KLHL38: variants seen among roughly 807,000 people sequenced by gnomAD.
KLHL38 encodes kelch-like protein 38.
Under a neutral mutation model 39.6 loss-of-function variants are expected in KLHL38, and 38 were observed. The ratio of observed to expected loss-of-function variants is 0.96; its 90% confidence interval spans 0.74 to 1.26. The LOEUF (loss-of-function observed/expected upper bound fraction) is 1.26, where lower values mean the gene tolerates loss of function less well. Ranked by LOEUF, KLHL38 falls within the 50% of genes most tolerant of loss-of-function variation. KLHL38 has a pLI of 0.00. For synonymous variants in KLHL38, 322 were observed against 302.2 expected (o/e 1.07, Z -0.68); for missense variants, 803 against 748.1 (o/e 1.07, Z -0.86).
chr8:123,645,746 AG>A lies in KLHL38; in HGVS notation c.1738del (p.Leu580SerfsTer40). ...TLQCIPRTSG[L>X]P ...GAAGGTTTCTTGTCGACCTCATGGG[AG>A]GCCAGACGTGCGGGGTATGCACTGG... is the stretch of plus-strand genomic sequence containing the variant. On this transcript the variant is annotated frameshift_variant, in exon 4 of 4. Coordinates refer to ENST00000684634, the MANE Select transcript of KLHL38 (RefSeq NM_001081675.3). LOFTEE classifies it high-confidence loss of function. 1 of 1,612,602 alleles carries A rather than the reference AG, an allele frequency of 6.2e-7. No individual in the cohort carries two copies. The highest frequency in any genetic ancestry group is 8.5e-7 in the Non-Finnish European group (1 of 1,178,934).
rs56194946 is a variant in KLHL38, at chr8:123,645,035, T to TGAGAGAGA, written c.*696_*703dup. Reference sequence around the variant, plus strand: ...AGAGAGAGGAAGACAGAGGGGAGACTGAGAGAGAGAGAGAGAGAGAGGGGC... The same window carrying TGAGAGAGA: ...AGAGAGAGGAAGACAGAGGGGAGACTGAGAGAGAGAGAGAGAGAGAGAGAGAGAGGGGC... On this transcript the variant is annotated 3_prime_UTR_variant, in exon 4 of 4. Coordinates refer to ENST00000684634, the MANE Select transcript of KLHL38 (RefSeq NM_001081675.3). Among the ~76,000 whole-genome samples, 61,254 of 143,044 alleles carry TGAGAGAGA rather than the reference T, an allele frequency of 0.43. 13,430 individuals are homozygous for TGAGAGAGA. Among genetic ancestry groups the TGAGAGAGA allele is most frequent in the East Asian group, 0.71 (3,380 of 4,784 alleles). 93.8% of individuals were successfully genotyped at this position (143,044 alleles called of 152,430 possible).
chr8:123,651,579 G>C lies in KLHL38; in HGVS notation c.1348C>G (p.Gln450Glu). The C allele has an allele frequency of 1.9e-6, 3 of 1,563,570 alleles. No individual in the cohort carries two copies. Among genetic ancestry groups the C allele is most frequent in the Non-Finnish European group, 2.6e-6 (3 of 1,159,112 alleles). The change falls in exon 2 of 4, where the codon CAG (glutamine) becomes GAG (glutamate). Residue 450 changes from glutamine (Q) to glutamate (E), a missense_variant and splice_region_variant. Gln to Glu is a conservative substitution (Grantham distance 29). Transcript: ENST00000684634. ...GATGGGAAGAACCGGCCATTTACCT[G>C]GATAAGGCGCACAGGGTTCTGCATG... is the stretch of plus-strand genomic sequence containing the variant. ...DIMQNPVRLI[Q>E]VYHISRNSWF...
rs755141076 is a variant in KLHL38, at chr8:123,651,969, T to A, written c.958A>T (p.Thr320Ser). The A allele has an allele frequency of 1.9e-6, 3 of 1,614,258 alleles. No individual in the cohort carries two copies. In the Admixed American group the frequency reaches 5.0e-5, roughly 27 times the overall value. ...ATGGCAGAGGCCTTGTACAGCCGTG[T>A]CGGGAGTTTGGCAAGGCTCTGCCAT... Reference protein sequence around the residue: ...GQWQSLAKLPTRLYKASAITL... With the variant: ...GQWQSLAKLPSRLYKASAITL... The change falls in exon 2 of 4, where the codon ACA becomes TCA. Residue 320 changes from threonine to serine, a missense_variant. Thr to Ser is a moderately conservative substitution (Grantham distance 58). Coordinates refer to ENST00000684634, the MANE Select transcript of KLHL38 (RefSeq NM_001081675.3).
At chr8:123,648,235 A>T (rs1818695065) in intron 2 of KLHL38, among the ~76,000 whole-genome samples, 1 of 152,214 alleles carries the variant, frequency 6.6e-6, no homozygotes, top group African/African-American at 2.4e-5. Context: ...GTCAAATGAC[A>T]TGCCCAGGGT....
In KLHL38 at chr8:123,645,835, C is replaced by T. The variant is rs373658750; in HGVS notation, c.1650G>A (p.Thr550=). Reference sequence around the variant, plus strand: ...GCTGTCCCTGGGATGTCCAGGTGTCCGTCTCGGGGTCGTAGCAATCGAAGG... The same window carrying T: ...GCTGTCCCTGGGATGTCCAGGTGTCTGTCTCGGGGTCGTAGCAATCGAAGG... ...SASFDCYDPE[T]DTWTSQGQLP... The change falls in exon 4 of 4, where the codon ACG becomes ACA. Residue 550 remains threonine, a synonymous_variant. Coordinates refer to ENST00000684634, the MANE Select transcript of KLHL38 (RefSeq NM_001081675.3). 5.0e-6 allele frequency: 8 copies of T among 1,613,562 alleles called. No individual in the cohort carries two copies. Among genetic ancestry groups the T allele is most frequent in the African/African-American group, 2.7e-5 (2 of 74,772 alleles).
At chr8:123,647,297 C>T (rs1200695909) in intron 2 of KLHL38, among the ~76,000 whole-genome samples, 1 of 152,066 alleles carries the variant, frequency 6.6e-6, no homozygotes, top group African/African-American at 2.4e-5. Context: ...ACTTACCTTG[C>T]TTGGAACATG....
rs930198017 is a variant in KLHL38 at position 123,652,421 on chromosome 8, G to A, written c.506C>T (p.Ser169Leu). 5.0e-6 allele frequency: 8 copies of A among 1,613,976 alleles called. No individual in the cohort carries two copies. The African/African-American group carries it at 6.7e-5, about 13-fold the overall frequency. Residue 169 changes from serine (S) to leucine (L), a missense_variant, in exon 2 of 4, where the codon TCG (serine) becomes TTG (leucine). Physicochemically the swap from Ser to Leu is moderately radical, Grantham distance 145. Transcript: ENST00000684634. Reference sequence around the variant, plus strand: ...GGCACAGAGCTCCTTCAGGTCGGCCGATGCGGCCACCTCTGGGAAGGACGT... The same window carrying A: ...GGCACAGAGCTCCTTCAGGTCGGCCAATGCGGCCACCTCTGGGAAGGACGT... Reference protein sequence around the residue: ...ALTSFPEVAASADLKELCALE... With the variant: ...ALTSFPEVAALADLKELCALE...
At chr8:123,651,193 G>T (rs1258001098) in intron 2 of KLHL38, among the ~76,000 whole-genome samples, 1 of 152,184 alleles carries the variant, frequency 6.6e-6, no homozygotes, top group Non-Finnish European at 1.5e-5. Context: ...GTACATGGGT[G>T]CACATGTGTG....
chr8:123,647,923 C>G (rs1431561547), intron 2 of KLHL38, among the ~76,000 whole-genome samples: 2 of 151,724 alleles, frequency 1.3e-5, no homozygotes, highest in Admixed American at 6.6e-5. Context: ...ACTAAAAATA[C>G]AAAAAAAATT....
intron 2 of KLHL38, among the ~76,000 whole-genome samples, chr8:123,650,437 G>T (rs73341470): frequency 0.01 from 1,542 of 152,274 alleles, 23 homozygotes; most frequent in African/African-American, 0.034. Flanking sequence ...AGGGCATCCC[G>T]CCTGTGCTCT....
Position 123,653,633 on chromosome 8 carries a change from C to G in KLHL38, c.-49G>C, listed in dbSNP as rs143391253. Among the ~76,000 whole-genome samples, 1 of 152,198 alleles carries G rather than the reference C, an allele frequency of 6.6e-6. No homozygotes were observed. Among genetic ancestry groups the G allele is most frequent in the African/African-American group, 2.4e-5 (1 of 41,458 alleles). ...CACTGGTGCCTGGTCTGACTTATCC[C>G]CCCGGAGAGTTTCTACCTCTAGCTC... On this transcript the variant is annotated 5_prime_UTR_variant, in exon 1 of 4. Coordinates refer to ENST00000684634, the MANE Select transcript of KLHL38 (RefSeq NM_001081675.3).
At chr8:123,653,348 C>T (rs1812693592) in intron 1 of KLHL38, among the ~76,000 whole-genome samples, 1 of 152,162 alleles carries the variant, frequency 6.6e-6, no homozygotes, top group African/African-American at 2.4e-5. Flanking sequence ...GATGTCTAAA[C>T]CTCTCTTTCT....
In KLHL38 at chr8:123,649,420, C is replaced by T. The variant is rs118094329; in HGVS notation, c.1350+2157G>A. 1.2e-3 allele frequency among the ~76,000 whole-genome samples: 183 copies of T among 152,208 alleles called. 5 individuals are homozygous for T. In the East Asian group the frequency reaches 0.033, roughly 27 times the overall value. ...GAAGTGAAGGCAAGAAAAAAATCTT[C>T]ACTGGAACTGACCGAGTCCAAGCCA... On this transcript the variant is annotated intron_variant, in intron 2 of 3. Coordinates refer to ENST00000684634, the MANE Select transcript of KLHL38 (RefSeq NM_001081675.3).
rs1452847121 is a variant in KLHL38 at position 123,652,888 on chromosome 8, G to A, written c.39C>T (p.Asp13=). Residue 13 remains aspartate, a synonymous_variant, in exon 2 of 4, where the codon GAC becomes GAT. Transcript: ENST00000684634. ...EESLDGLLFK[D]HDFSSDLLRQ... is the part of the protein sequence containing the mutation. ...TCAACAAGTCAGAAGAGAAGTCGTG[G>A]TCTTTGAAGAGCAGCCCATCTAGTG... The A allele has an allele frequency of 5.6e-6, 9 of 1,601,824 alleles. No homozygotes were observed. Among genetic ancestry groups the A allele is most frequent in the Non-Finnish European group, 7.6e-6 (9 of 1,179,712 alleles).
rs1395764219 is a variant in KLHL38 at position 123,652,080 on chromosome 8, G to T, written c.847C>A (p.Gln283Lys). 3.7e-6 allele frequency: 6 copies of T among 1,614,198 alleles called. No homozygotes were observed. Among genetic ancestry groups the T allele is most frequent in the Non-Finnish European group, 4.2e-6 (5 of 1,180,042 alleles). The change falls in exon 2 of 4, where the codon CAA (glutamine) becomes AAA (lysine). Residue 283 changes from glutamine (Q) to lysine (K), a missense_variant. By Grantham distance (53) the Gln-to-Lys change is moderately conservative. Coordinates refer to ENST00000684634, the MANE Select transcript of KLHL38 (RefSeq NM_001081675.3). Reference protein sequence around the residue: ...LLHVPPRNSYQDFLILLGGRK... With the variant: ...LLHVPPRNSYKDFLILLGGRK... The stretch of plus-strand genomic sequence containing the variant: ...CCGCCCAAGAGGATGAGGAAATCTT[G>T]GTAAGAGTTTCTTGGAGGGACATGC...
At chr8:123,653,058 G>A in intron 1 of KLHL38, 131 bp from the exon 2 acceptor site, 2 of 895,096 alleles carry the variant, frequency 2.2e-6, no homozygotes, top group East Asian at 2.7e-5. Context: ...GTTTGCGGAT[G>A]TCACCATGGA....
chr8:123,652,610 G>C lies in KLHL38; in HGVS notation c.317C>G (p.Pro106Arg), dbSNP rs979009239. 3 of 1,614,084 alleles carry C rather than the reference G, an allele frequency of 1.9e-6. No homozygotes were observed. The highest frequency in any genetic ancestry group is 3.3e-5 in the Admixed American group (2 of 60,012). The change falls in exon 2 of 4, where the codon CCC (proline) becomes CGC (arginine). Residue 106 changes from proline (P) to arginine (R), a missense_variant. Pro to Arg is a moderately radical substitution (Grantham distance 103). Coordinates refer to ENST00000684634, the MANE Select transcript of KLHL38 (RefSeq NM_001081675.3). ...EAHIATDNVL[P>R]VMEAASMLQF... ...TAGCATGGAGGCGGCCTCCATCACG[G>C]GGAGGACATTGTCAGTGGCAATATG...
At chr8:123,653,013 T>C in intron 1 of KLHL38, 86 bp from the exon 2 acceptor site, 8 of 1,337,950 alleles carry the variant, frequency 6.0e-6, no homozygotes, top group Non-Finnish European at 8.1e-6. Context: ...CTGTGGGGAC[T>C]CCAAGACCAG....
Position 123,647,029 on chromosome 8 carries a change from G to A in KLHL38, c.1351-15C>T. ...ATGTGATAAACCTGAGGGAGAGAGA[G>A]AATCATGGCACTGCATTTTAAAGTG... On this transcript the variant is annotated splice_polypyrimidine_tract_variant and intron_variant, in intron 2 of 3. Transcript: ENST00000684634. 2 of 1,376,822 alleles carry A rather than the reference G, an allele frequency of 1.5e-6. No homozygotes were observed. The highest frequency in any genetic ancestry group is 2.3e-5 in the East Asian group (1 of 43,714). The allele number at this position is 1,376,822 out of a possible 1,614,324, so 85.3% of individuals were successfully genotyped here.
Sources: gnomAD v4.1 joint callset for allele counts (sites outside exome capture counted in the v4.1 genomes callset) on GRCh38, gnomAD v4.1.1 for gene constraint, MANE v1.5 for transcripts, NCBI Gene and HGNC (gene_info 2026-07-23, HGNC 2026-07-21) for gene names.